Variants in ANKRD26 observed in about 807,000 individuals in gnomAD.
ANKRD26 encodes the protein ankyrin repeat domain 26.
A neutral mutation model predicts 208.7 loss-of-function variants in ANKRD26; 141 were observed. The observed-to-expected ratio is 0.68, with a 90% CI of 0.59 to 0.78. The LOEUF (loss-of-function observed/expected upper bound fraction) is 0.78, where lower values mean the gene tolerates loss of function less well. ANKRD26 is among the 30% of genes least tolerant of loss of function. ANKRD26 has a pLI of 0.00. For synonymous variants in ANKRD26, 636 were observed against 660.4 expected, an observed-to-expected ratio of 0.96 and a Z score of 0.57; for missense variants, 1,889 against 1,938.7, an observed-to-expected ratio of 0.97 and a Z score of 0.48.
At chr10:27,098,776 C>G (rs2056550348) in intron 1 of ANKRD26, among the ~76,000 whole-genome samples, 1 of 152,000 alleles carries the variant, frequency 6.6e-6, no homozygotes, top group Non-Finnish European at 1.5e-5. Flanking sequence ...GTCTCGATCT[C>G]CTGACCTCGT....
chr10:27,079,254 CA>C (rs1244698895), intron 6 of ANKRD26, 93 bp from the exon 7 acceptor site: 4 of 977,480 alleles, frequency 4.1e-6, no homozygotes, highest in African/African-American at 3.3e-5. Flanking sequence ...ATGCCCCCTC[CA>C]AAAAAACAAA....
intron 16 of ANKRD26, chr10:27,051,405 C>G: frequency 8.5e-7 from 1 of 1,182,854 alleles, no homozygotes; most frequent in Non-Finnish European, 1.1e-6. Flanking sequence ...TTTTGGATCA[C>G]TATACTGAGG....
the ANKRD26 span, among the ~76,000 whole-genome samples, chr10:26,966,497 G>A: frequency 6.6e-6 from 1 of 152,156 alleles, no homozygotes; most frequent in Non-Finnish European, 1.5e-5. Flanking sequence ...AGGGGGTGAG[G>A]GGAGGGAACT....
chr10:26,951,979 T>C, the ANKRD26 span, among the ~76,000 whole-genome samples: 1 of 150,636 alleles, frequency 6.6e-6, no homozygotes, highest in Non-Finnish European at 1.5e-5. Flanking sequence ...CATCACTCTT[T>C]ATTCTTCTTT....
chr10:27,073,284 G>A (rs1329152774), intron 9 of ANKRD26, among the ~76,000 whole-genome samples: 1 of 152,180 alleles, frequency 6.6e-6, no homozygotes, highest in Non-Finnish European at 1.5e-5. Flanking sequence ...GCCCACCACT[G>A]CAGACACAGC....
chr10:27,077,799 A>T, intron 7 of ANKRD26, 106 bp from the exon 8 acceptor site: 3 of 1,056,844 alleles, frequency 2.8e-6, no homozygotes, highest in South Asian at 2.8e-5. Flanking sequence ...AACACAAAGA[A>T]CAAAGATTTT....
intron 28 of ANKRD26, 54 bp from the exon 29 acceptor site, chr10:27,022,741 T>C: frequency 6.8e-7 from 1 of 1,480,034 alleles, no homozygotes; most frequent in Non-Finnish European, 9.3e-7. Context: ...AAACATTTAA[T>C]AATTATTTAA....
intron 27 of ANKRD26, among the ~76,000 whole-genome samples, chr10:27,028,521 C>T (rs1249014434): frequency 7.0e-6 from 1 of 142,542 alleles, no homozygotes; most frequent in East Asian, 2.2e-4. Context: ...GGCGTGAACC[C>T]GGGAGGCAGA....
intron 9 of ANKRD26, among the ~76,000 whole-genome samples, chr10:27,074,740 C>T (rs2055634303): frequency 2.0e-5 from 3 of 151,632 alleles, no homozygotes; most frequent in Admixed American, 2.0e-4. Flanking sequence ...GAAGTAAGAA[C>T]TTTAGGGTTT....
rs1297113191 is a variant in ANKRD26, at chr10:27,064,055, C to T, written c.1296G>A (p.Lys432=). The T allele has an allele frequency of 8.7e-6, 14 of 1,611,096 alleles. No individual in the cohort carries two copies. Among genetic ancestry groups the T allele is most frequent in the Non-Finnish European group, 1.1e-5 (13 of 1,179,404 alleles). ...CAGCCCCAGCTAAAGGATCAACATA[C>T]TTCTGTGGAAAATTCTCAGAGATAC... is the stretch of plus-strand genomic sequence containing the variant. ...SESISENFPQ[K]YVDPLAGAAD... is the part of the protein sequence containing the mutation. The change falls in exon 12 of 34, where the codon AAG becomes AAA. Residue 432 remains lysine, a synonymous_variant. Transcript: ENST00000376087.
intron 1 of ANKRD26, 50 bp downstream of exon 1, chr10:27,100,035 C>T: frequency 2.5e-6 from 4 of 1,610,486 alleles, no homozygotes; most frequent in Non-Finnish European, 2.5e-6. Flanking sequence ...GCCCCTCTTC[C>T]TGCCCGCCTA....
At chr10:27,060,619 G>T in intron 13 of ANKRD26, 79 bp from the exon 14 acceptor site, 2 of 1,065,266 alleles carry the variant, frequency 1.9e-6, no homozygotes, top group South Asian at 2.9e-5. Context: ...GTGTTAGTAT[G>T]ACCAGAATCA....
At chr10:27,057,954 AAAAG>A (rs1045385203) in intron 15 of ANKRD26, among the ~76,000 whole-genome samples, 2 of 151,902 alleles carry the variant, frequency 1.3e-5, no homozygotes, top group Admixed American at 1.3e-4. Context: ...AAAAAAAGAA[AAAAG>A]AAAGAAACAA....
chr10:27,006,817 A>G, intron 33 of ANKRD26, 100 bp downstream of exon 33: 1 of 906,666 alleles, frequency 1.1e-6, no homozygotes, highest in South Asian at 1.3e-5. Context: ...TGTAGTATCT[A>G]TTAGCCAAAC....
rs1220096447 is a variant in ANKRD26, at chr10:27,053,314, T to C, written c.1635+6A>G. The C allele has an allele frequency of 1.9e-6, 3 of 1,593,028 alleles. No homozygotes were observed. The highest frequency in any genetic ancestry group is 2.6e-6 in the Non-Finnish European group (3 of 1,164,014). On this transcript the variant is annotated splice_donor_region_variant and intron_variant, in intron 16 of 33. Coordinates refer to ENST00000376087, the MANE Select transcript of ANKRD26 (RefSeq NM_014915.3). ...TAAACCAGAAATTTTTAAAAATATA[T>C]AATACCTGTGGCTGGTTATTTTCAC...
chr10:26,976,196 G>T (rs1254430197), intron 5 of ANKRD26, among the ~76,000 whole-genome samples: 3 of 148,216 alleles, frequency 2.0e-5, no homozygotes, highest in Admixed American at 1.4e-4. Flanking sequence ...TGCACCTCTT[G>T]TATCAGCATA....
rs1430490480 is a variant in ANKRD26, at chr10:27,022,687, T to C, written c.4086A>G (p.Gly1362=). ...TTGTCATTTTTAAGAGGTTCTTAAA[T>C]CTGCAGGAAGGTACAAAATGAGTAA... The part of the protein sequence containing the change: ...KNVELEREIT[G]FKNLLKMTRK... The change falls in exon 29 of 34, where the codon GGA becomes GGG. Residue 1362 remains glycine (G), a splice_region_variant and synonymous_variant. Transcript: ENST00000376087. 6.3e-7 allele frequency: 1 copy of C among 1,582,694 alleles called. No homozygotes were observed. Among genetic ancestry groups the C allele is most frequent in the Admixed American group, 1.7e-5 (1 of 58,742 alleles).
At chr10:27,089,371 A>G (rs193140151) in intron 4 of ANKRD26, among the ~76,000 whole-genome samples, 1 of 152,364 alleles carries the variant, frequency 6.6e-6, no homozygotes, top group Non-Finnish European at 1.5e-5. Context: ...CAAGACTCAA[A>G]TAACCAACTA....
downstream of ANKRD26, among the ~76,000 whole-genome samples, chr10:26,987,510 T>G (rs2052410946): frequency 6.6e-6 from 1 of 152,198 alleles, no homozygotes; most frequent in African/African-American, 2.4e-5. Context: ...TAGCCTGTTC[T>G]AACATTTCCA....
Sources: allele counts gnomAD v4.1 joint callset (sites outside exome capture counted in the v4.1 genomes callset), GRCh38; gene constraint gnomAD v4.1.1; transcripts MANE v1.5; gene names NCBI Gene and HGNC (gene_info 2026-07-23, HGNC 2026-07-21).